LPIN1: variants seen among roughly 807,000 people sequenced by gnomAD.
The protein encoded by LPIN1 is phosphatidate phosphatase LPIN1.
Under a neutral mutation model 107.5 loss-of-function variants are expected in LPIN1, and 71 were observed. The ratio of observed to expected loss-of-function variants is 0.66; its 90% CI spans 0.55 to 0.80. LPIN1 has a LOEUF of 0.80. Among genes scored for constraint, LPIN1 ranks in the 30% least tolerant of loss-of-function variants. LPIN1 has a pLI of 0.00. For missense variants in LPIN1, 1,043 were observed against 1,160.6 expected, an observed-to-expected ratio of 0.90 and a Z score of 1.47; for synonymous variants, 445 against 452.6, an observed-to-expected ratio of 0.98 and a Z score of 0.21.
intron 13 of LPIN1, among the ~76,000 whole-genome samples, chr2:11,793,180 AG>A (rs1397976107): frequency 6.6e-6 from 1 of 152,212 alleles, no homozygotes; most frequent in Non-Finnish European, 1.5e-5. Context: ...GGCCATAGTC[AG>A]AAAATGGCAC....
intron 20 of LPIN1, 113 bp from the exon 21 acceptor site, chr2:11,824,519 A>G (rs78481689): frequency 3.1e-6 from 3 of 982,676 alleles, no homozygotes; most frequent in Admixed American, 3.6e-5. Flanking sequence ...AGTCGTGTCG[A>G]TAAGTAGGCG....
rs780101901 is a variant in LPIN1, at chr2:11,787,137, A to T, written c.1613A>T (p.Asp538Val). 22 of 1,613,838 alleles carry T rather than the reference A, an allele frequency of 1.4e-5. No individual in the cohort carries two copies. In the South Asian group the frequency reaches 2.4e-4, roughly 18 times the overall value. ...GTGGACAACCCCGCTATTATCGATG[A>T]CCCCAATCTCGTGGTAAAGATTGGG... ...QFVDNPAIID[D>V]PNLVVKIGSK... Residue 538 changes from aspartate to valine, a missense_variant, in exon 11 of 21, where the codon GAC (aspartate) becomes GTC (valine). Asp to Val is a radical substitution (Grantham distance 152). Coordinates refer to ENST00000674199, the MANE Select transcript of LPIN1 (RefSeq NM_001349206.2).
At chr2:11,794,838 G>T (rs978186399) in intron 13 of LPIN1, among the ~76,000 whole-genome samples, 1 of 152,180 alleles carries the variant, frequency 6.6e-6, no homozygotes, top group Admixed American at 6.5e-5. Context: ...ATGAGGAAGC[G>T]AAGTTCTGAA....
chr2:11,814,732 G>A (rs141666294), intron 17 of LPIN1, among the ~76,000 whole-genome samples: 132 of 152,262 alleles, frequency 8.7e-4, no homozygotes, highest in African/African-American at 3.0e-3. Flanking sequence ...AGGGGCTCTA[G>A]CCAAGAGCTG....
rs544139082 is a variant in LPIN1 at position 11,754,370 on chromosome 2, GGGTAGCTT to G, written c.-10+7700_-10+7707del. ...GCTCTCTGGGCAGTGAGTGGGTTTT[GGGTAGCTT>G]CTCTCCAGGAAATGATGAATCACTC... On this transcript the variant is annotated intron_variant, in intron 1 of 20. Transcript: ENST00000674199. Among the ~76,000 whole-genome samples, 41 of 152,326 alleles carry G rather than the reference GGGTAGCTT, an allele frequency of 2.7e-4. No homozygotes were observed. The East Asian group carries it at 4.4e-3, about 17-fold the overall frequency.
intron 1 of LPIN1, among the ~76,000 whole-genome samples, chr2:11,683,690 C>T (rs758365679): frequency 1.8e-4 from 27 of 152,184 alleles, no homozygotes; most frequent in Non-Finnish European, 3.1e-4. Flanking sequence ...CTGTGGTCGT[C>T]GAGGTAAGCA....
At chr2:11,716,460 T>A (rs1452205696) in intron 2 of LPIN1, among the ~76,000 whole-genome samples, 2 of 152,052 alleles carry the variant, frequency 1.3e-5, no homozygotes, top group African/African-American at 4.8e-5. Context: ...TCTGTCCCTC[T>A]CCCTGACACT....
rs748133285 is a variant in LPIN1, at chr2:11,785,030, C to T, written c.1503C>T (p.Ala501=). Reference sequence around the variant, plus strand: ...GGCTGAGGGACCTCCCTTCCATCGCCATCTCCCTCTGCGGGGGCCTCAGCG... The same window carrying T: ...GGCTGAGGGACCTCCCTTCCATCGCTATCTCCCTCTGCGGGGGCCTCAGCG... ...SDGLRDLPSI[A]ISLCGGLSDH... Residue 501 remains alanine, a synonymous_variant, in exon 10 of 21, where the codon GCC becomes GCT. Coordinates refer to ENST00000674199, the MANE Select transcript of LPIN1 (RefSeq NM_001349206.2). 1.9e-5 allele frequency: 30 copies of T among 1,606,752 alleles called. No individual in the cohort carries two copies. The highest frequency in any genetic ancestry group is 2.4e-5 in the Non-Finnish European group (28 of 1,175,800).
chr2:11,746,606 T>G (rs545733054), upstream of LPIN1: 615 of 984,960 alleles, frequency 6.2e-4, 1 homozygote, highest in African/African-American at 6.7e-3. Flanking sequence ...GAAGGCGAGC[T>G]GCGCTGACAG....
At chr2:11,705,214 T>A (rs1292263695) in intron 1 of LPIN1, among the ~76,000 whole-genome samples, 2 of 152,182 alleles carry the variant, frequency 1.3e-5, no homozygotes, top group Non-Finnish European at 2.9e-5. Context: ...AAATCCCAGC[T>A]CACCCATCCC....
At chr2:11,728,175 G>A (rs548830721) in intron 1 of LPIN1, among the ~76,000 whole-genome samples, 11 of 152,136 alleles carry the variant, frequency 7.2e-5, no homozygotes, top group Middle Eastern at 3.4e-3. Flanking sequence ...AATATTCTTC[G>A]TAGTGTAGCA....
At chr2:11,680,428 C>A (rs995506317) in intron 1 of LPIN1, among the ~76,000 whole-genome samples, 2 of 151,370 alleles carry the variant, frequency 1.3e-5, no homozygotes, top group Non-Finnish European at 3.0e-5. Context: ...GGTAACGGGG[C>A]GATCTGGGGG....
chr2:11,724,976 T>G lies in LPIN1; in HGVS notation c.-72+437T>G, dbSNP rs552864940. ...CCCAATATTTTATTAACATGGGGAATGCGTGGCCGGGCGCGGTGGCTCACA... is the reference window on the plus strand; with the variant it reads ...CCCAATATTTTATTAACATGGGGAAGGCGTGGCCGGGCGCGGTGGCTCACA... On this transcript the variant is annotated intron_variant, in intron 1 of 21. Coordinates refer to the LPIN1 transcript ENST00000396097. Among the ~76,000 whole-genome samples the G allele has an allele frequency of 7.2e-5, 11 of 152,280 alleles. No individual in the cohort carries two copies. In the South Asian group the frequency reaches 1.2e-3, roughly 17 times the overall value.
chr2:11,804,128 G>A (rs576774631), intron 15 of LPIN1, among the ~76,000 whole-genome samples: 4 of 152,136 alleles, frequency 2.6e-5, no homozygotes, highest in Non-Finnish European at 5.9e-5. Context: ...GCTAATGACT[G>A]TAATCTGAAA....
chr2:11,714,915 T>C (rs1219819305), intron 2 of LPIN1, among the ~76,000 whole-genome samples: 2 of 152,156 alleles, frequency 1.3e-5, no homozygotes, highest in African/African-American at 4.8e-5. Flanking sequence ...GGTTCGTCGT[T>C]GAGACGAATC....
At chr2:11,706,765 A>G (rs115291817) in intron 1 of LPIN1, among the ~76,000 whole-genome samples, 2,146 of 152,292 alleles carry the variant, frequency 0.014, 58 homozygotes, top group African/African-American at 0.049. Flanking sequence ...TTGAGCAAGC[A>G]CTTACCCTCT....
At chr2:11,708,500 G>A (rs781064254) in intron 1 of LPIN1, among the ~76,000 whole-genome samples, 4 of 152,180 alleles carry the variant, frequency 2.6e-5, no homozygotes, top group Non-Finnish European at 4.4e-5. Context: ...AGGCAAGGGG[G>A]CAGGCAGGAG....
chr2:11,785,175 C>A, intron 10 of LPIN1, 99 bp downstream of exon 10: 1 of 921,334 alleles, frequency 1.1e-6, no homozygotes, highest in Non-Finnish European at 1.6e-6. Context: ...CAGCTTTTCC[C>A]TTGGTTGCGG....
chr2:11,680,486 T>TGGAATG lies in LPIN1; in HGVS notation c.81+2767_81+2772dup, dbSNP rs1661656096. On this transcript the variant is annotated intron_variant, in intron 1 of 21. Coordinates refer to the LPIN1 transcript ENST00000449576. ...CTCCCTCTTCTGCAGGAGGTCAAGG[T>TGGAATG]GGAATGGGAATGGGTGGGGCTGCAG... 6.0e-5 allele frequency among the ~76,000 whole-genome samples: 9 copies of TGGAATG among 151,006 alleles called. No homozygotes were observed. The South Asian group carries it at 1.3e-3, about 21-fold the overall frequency.
Sources: allele counts gnomAD v4.1 joint callset (sites outside exome capture counted in the v4.1 genomes callset), GRCh38; gene constraint gnomAD v4.1.1; transcripts MANE v1.5; gene names NCBI Gene and HGNC (gene_info 2026-07-23, HGNC 2026-07-21).